KIF5A: variants seen among roughly 807,000 people sequenced by gnomAD.
The protein encoded by KIF5A is kinesin heavy chain isoform 5A.
In KIF5A, 35 loss-of-function variants were observed where a neutral mutation model predicts 141.3. That is an observed-to-expected ratio of 0.25 (90% CI 0.19 to 0.33). The LOEUF is 0.33. Ranked by LOEUF, KIF5A falls within the 10% of genes least tolerant of loss-of-function variation. The pLI, the probability that KIF5A is intolerant of heterozygous loss-of-function variation, is 1.00. For missense variants in KIF5A, 861 were observed against 1,314.3 expected, an observed-to-expected ratio of 0.66 and a Z score of 5.33; for synonymous variants, 448 against 500.2, an observed-to-expected ratio of 0.90 and a Z score of 1.39.
intron 23 of KIF5A, among the ~76,000 whole-genome samples, chr12:57,579,966 A>G (rs181448304): frequency 1.3e-5 from 2 of 152,362 alleles, no homozygotes; most frequent in East Asian, 3.9e-4. Context: ...CTCAGCAGAC[A>G]CAAGAGTAAA....
At chr12:57,558,976 C>T (rs555500228) in intron 1 of KIF5A, among the ~76,000 whole-genome samples, 1 of 152,188 alleles carries the variant, frequency 6.6e-6, no homozygotes, top group African/African-American at 2.4e-5. Context: ...CAGGGTCTCC[C>T]TATGTTGCCC....
Position 57,571,373 on chromosome 12 carries a change from T to C in KIF5A, c.1346T>C (p.Met449Thr). Reference protein sequence around the residue: ...SQLIEKLKQQMLDQEELLVST... With the variant: ...SQLIEKLKQQTLDQEELLVST... ...CTCATAGAGAAGCTCAAGCAGCAAA[T>C]GCTGGACCAGGAAGAGGTAATAGGA... is the stretch of plus-strand genomic sequence containing the variant. Residue 449 changes from methionine (M) to threonine (T), a missense_variant, in exon 13 of 29, where the codon ATG (methionine) becomes ACG (threonine). Coordinates refer to ENST00000455537, the MANE Select transcript of KIF5A (RefSeq NM_004984.4). 1 of 1,613,518 alleles carries C rather than the reference T, an allele frequency of 6.2e-7. No individual in the cohort carries two copies. Among genetic ancestry groups the C allele is most frequent in the Non-Finnish European group, 8.5e-7 (1 of 1,179,788 alleles).
At position 57,576,163 on chromosome 12, in the gene KIF5A, A is replaced by G; in HGVS notation, c.2088+12A>G. On this transcript the variant is annotated intron_variant, in intron 18 of 28. Transcript: ENST00000455537. Reference sequence around the variant, plus strand: ...CAGATGAAGTGAAGGTGAGTAAGGAAGGTGTCAGGGACAATTGGGGCCTGG... The same window carrying G: ...CAGATGAAGTGAAGGTGAGTAAGGAGGGTGTCAGGGACAATTGGGGCCTGG... 6.2e-7 allele frequency: 1 copy of G among 1,613,946 alleles called. No homozygotes were observed. The highest frequency in any genetic ancestry group is 8.5e-7 in the Non-Finnish European group (1 of 1,179,808).
intron 23 of KIF5A, 87 bp from the exon 24 acceptor site, chr12:57,580,869 C>A: frequency 8.2e-7 from 1 of 1,223,984 alleles, no homozygotes; most frequent in Non-Finnish European, 1.2e-6. Context: ...ATTCTCTCTC[C>A]TCACCCCTGT....
chr12:57,577,089 G>T (rs1882452008), intron 20 of KIF5A, among the ~76,000 whole-genome samples: 1 of 152,078 alleles, frequency 6.6e-6, no homozygotes, highest in Admixed American at 6.6e-5. Flanking sequence ...GTAAAAACAG[G>T]TTACAAAACC....
chr12:57,572,838 C>T lies in KIF5A; in HGVS notation c.1716+112C>T. 7.7e-7 allele frequency: 1 copy of T among 1,304,116 alleles called. No individual in the cohort carries two copies. The highest frequency in any genetic ancestry group is 1.2e-5 in the South Asian group (1 of 84,328). The allele number at this position is 1,304,116 out of a possible 1,614,324, so 80.8% of individuals were successfully genotyped here. ...GAAAGGCAGCCAGAGAGCCAGGAAA[C>T]ATGCCTTTGAACTAGACCCAGGAAG... On this transcript the variant is annotated intron_variant, in intron 15 of 28. Transcript: ENST00000455537. The surrounding 1 kb of genome is among the most constrained non-coding windows in gnomAD (Gnocchi z 4.2).
At chr12:57,575,358 C>T (rs1882389315) in intron 16 of KIF5A, 86 bp downstream of exon 16, 4 of 1,389,322 alleles carry the variant, frequency 2.9e-6, no homozygotes, top group Non-Finnish European at 4.0e-6. Context: ...TAACACCCAC[C>T]TTTATGTCAA....
At chr12:57,562,481 G>A (rs1881937995) in intron 1 of KIF5A, among the ~76,000 whole-genome samples, 1 of 152,238 alleles carries the variant, frequency 6.6e-6, no homozygotes, top group East Asian at 1.9e-4. Flanking sequence ...CTCCCAAAGT[G>A]CTGGGATTAC....
Position 57,572,780 on chromosome 12 carries a change from A to G in KIF5A, c.1716+54A>G. On this transcript the variant is annotated intron_variant, in intron 15 of 28. Coordinates refer to ENST00000455537, the MANE Select transcript of KIF5A (RefSeq NM_004984.4). This position sits in a 1 kb window ranked among gnomAD's most constrained non-coding sequence, Gnocchi z 4.2. Reference sequence around the variant, plus strand: ...CAGGCTGGGCACTAGTGGAAGACGCAAGATGAGCCATCCAGGCCTTCACAG... The same window carrying G: ...CAGGCTGGGCACTAGTGGAAGACGCGAGATGAGCCATCCAGGCCTTCACAG... 1.2e-6 allele frequency: 2 copies of G among 1,605,840 alleles called. No homozygotes were observed. The highest frequency in any genetic ancestry group is 1.1e-5 in the South Asian group (1 of 90,858).
rs1055624418 is a variant in KIF5A, at chr12:57,554,748, G to C, written c.129+4348G>C. On this transcript the variant is annotated intron_variant, in intron 1 of 28. Coordinates refer to ENST00000455537, the MANE Select transcript of KIF5A (RefSeq NM_004984.4). The stretch of plus-strand genomic sequence containing the variant: ...GCTTCCAGTCATGGTGGGAGGCAAA[G>C]AGGGAGCAGGAATCACATGGCGAGA... Among the ~76,000 whole-genome samples the C allele has an allele frequency of 7.9e-5, 12 of 152,186 alleles. No homozygotes were observed. In the East Asian group the frequency reaches 2.3e-3, roughly 29 times the overall value.
rs1882107388 is a variant in KIF5A, at chr12:57,567,638, T to C, written c.714+20T>C. 2 of 1,595,932 alleles carry C rather than the reference T, an allele frequency of 1.3e-6. No homozygotes were observed. Among genetic ancestry groups the C allele is most frequent in the African/African-American group, 1.4e-5 (1 of 72,838 alleles). ...GAGAAGGTAGGGGGTCCTGTGGATA[T>C]GGGGTGGGTGGAAGCCTTGGCTCTT... is the stretch of plus-strand genomic sequence containing the variant. On this transcript the variant is annotated intron_variant, in intron 8 of 28. Coordinates refer to ENST00000455537, the MANE Select transcript of KIF5A (RefSeq NM_004984.4).
chr12:57,552,152 G>T (rs918490396), intron 1 of KIF5A, among the ~76,000 whole-genome samples: 1 of 152,198 alleles, frequency 6.6e-6, no homozygotes, highest in Non-Finnish European at 1.5e-5. Context: ...CAGGAGGAGG[G>T]TGATGATGGG....
chr12:57,578,178 G>C, intron 22 of KIF5A, 60 bp from the exon 23 acceptor site: 1 of 1,583,622 alleles, frequency 6.3e-7, no homozygotes, highest in African/African-American at 1.3e-5. Flanking sequence ...GCTTGGCCTG[G>C]TCTTGGTGGG....
rs1172104617 is a variant in KIF5A at position 57,582,586 on chromosome 12, A to G, written c.2993-16A>G. On this transcript the variant is annotated splice_polypyrimidine_tract_variant and intron_variant, in intron 26 of 28. Coordinates refer to ENST00000455537, the MANE Select transcript of KIF5A (RefSeq NM_004984.4). ...TTCTTCTTCTAATCCTGTGTTCTCA[A>G]TGATGATCTCTTCAGGAAATGCCAC... 5 of 1,608,500 alleles carry G rather than the reference A, an allele frequency of 3.1e-6. No homozygotes were observed. The highest frequency in any genetic ancestry group is 1.3e-5 in the African/African-American group (1 of 74,882).
At chr12:57,557,553 CCA>C (rs1050180857) in intron 1 of KIF5A, among the ~76,000 whole-genome samples, 2 of 151,720 alleles carry the variant, frequency 1.3e-5, no homozygotes, top group African/African-American at 4.8e-5. Flanking sequence ...ATGTATTTTT[CCA>C]GTGTTTTTTC....
Position 57,572,583 on chromosome 12 carries a change from A to G in KIF5A, c.1573A>G (p.Thr525Ala). The change falls in exon 15 of 29, where the codon ACC becomes GCC. Residue 525 changes from threonine to alanine, a missense_variant. Physicochemically the swap from Thr to Ala is moderately conservative, Grantham distance 58. Transcript: ENST00000455537. This position sits in a 1 kb window ranked among gnomAD's most constrained non-coding sequence, Gnocchi z 4.2. The part of the protein sequence containing the change: ...LVDELSQKVA[T>A]MLSLESELQR... ...TGACCTGAGGGGCTGTCCCCAGGCCACCATGCTGTCCCTGGAGTCTGAGTT... is the reference window on the plus strand; with the variant it reads ...TGACCTGAGGGGCTGTCCCCAGGCCGCCATGCTGTCCCTGGAGTCTGAGTT... The G allele has an allele frequency of 6.2e-7, 1 of 1,614,250 alleles. No individual in the cohort carries two copies. Among genetic ancestry groups the G allele is most frequent in the Non-Finnish European group, 8.5e-7 (1 of 1,180,044 alleles).
At chr12:57,570,225 A>G (rs909287127) in intron 12 of KIF5A, 63 bp downstream of exon 12, 30 of 1,492,224 alleles carry the variant, frequency 2.0e-5, no homozygotes, top group Non-Finnish European at 2.6e-5. Flanking sequence ...ACGATCAAAG[A>G]AAATCGCTTA....
intron 1 of KIF5A, among the ~76,000 whole-genome samples, chr12:57,556,857 A>G (rs1881763666): frequency 1.3e-5 from 2 of 152,120 alleles, no homozygotes; most frequent in African/African-American, 2.4e-5. Context: ...TTCTGGCTGC[A>G]CTGGCAGTTG....
intron 28 of KIF5A, among the ~76,000 whole-genome samples, chr12:57,583,608 AT>A (rs1882673062): frequency 6.6e-6 from 1 of 152,106 alleles, no homozygotes; most frequent in Admixed American, 6.5e-5. Flanking sequence ...CCCTGAAATA[AT>A]TTTGGATGGA....
Sources: allele counts gnomAD v4.1 joint callset (sites outside exome capture counted in the v4.1 genomes callset), GRCh38; gene constraint gnomAD v4.1.1; non-coding constraint Gnocchi (gnomAD v3.1); transcripts MANE v1.5; gene names NCBI Gene and HGNC (gene_info 2026-07-23, HGNC 2026-07-21).